Variants in ANAPC10 observed in about 807,000 individuals in gnomAD.
The protein encoded by ANAPC10 is anaphase promoting complex subunit 10.
ANAPC10 carries 12 observed loss-of-function variants against 22.0 expected under a neutral mutation model. The observed-to-expected ratio is 0.55, with a 90% CI of 0.35 to 0.88. ANAPC10 has a LOEUF of 0.88. Ranked by LOEUF, ANAPC10 falls within the 40% of genes least tolerant of loss-of-function variation. The pLI is 0.01. For missense variants in ANAPC10, 188 were observed against 220.9 expected, an observed-to-expected ratio of 0.85 and a Z score of 0.94; for synonymous variants, 65 against 69.5, an observed-to-expected ratio of 0.94 and a Z score of 0.32.
intron 2 of ANAPC10, among the ~76,000 whole-genome samples, chr4:145,090,567 G>A (rs945282701): frequency 1.3e-5 from 2 of 152,168 alleles, no homozygotes; most frequent in African/African-American, 4.8e-5. Flanking sequence ...AAGCACTATT[G>A]TGTAATGGAG....
At chr4:145,064,869 G>A (rs949978503) in intron 3 of ANAPC10, among the ~76,000 whole-genome samples, 177 bp from the exon 4 acceptor site, 5 of 151,860 alleles carry the variant, frequency 3.3e-5, no homozygotes, top group African/African-American at 1.2e-4. Context: ...CAGATAGTAT[G>A]TTAAATATAG....
chr4:145,044,793 C>T (rs1240917809), intron 4 of ANAPC10, among the ~76,000 whole-genome samples: 1 of 151,954 alleles, frequency 6.6e-6, no homozygotes, highest in Non-Finnish European at 1.5e-5. Flanking sequence ...CTTAGTGACA[C>T]ACTATAGTTA....
At chr4:145,012,830 G>A (rs912262956) in intron 4 of ANAPC10, among the ~76,000 whole-genome samples, 6 of 152,118 alleles carry the variant, frequency 3.9e-5, no homozygotes, top group African/African-American at 1.4e-4. Flanking sequence ...TTGGGTCTGT[G>A]TCCCTGCCCA....
chr4:145,053,771 A>G, intron 4 of ANAPC10: 2 of 664,138 alleles, frequency 3.0e-6, no homozygotes, highest in Admixed American at 4.6e-5. Context: ...TTCACATGTA[A>G]AACATGAGGC....
intron 4 of ANAPC10, among the ~76,000 whole-genome samples, chr4:145,052,331 T>C (rs546132550): frequency 6.6e-6 from 1 of 152,284 alleles, no homozygotes; most frequent in Non-Finnish European, 1.5e-5. Flanking sequence ...CAGTCTACAA[T>C]GTATAAAAAT....
chr4:145,043,292 T>A (rs1020164304), intron 4 of ANAPC10, among the ~76,000 whole-genome samples: 2 of 152,140 alleles, frequency 1.3e-5, no homozygotes, highest in African/African-American at 4.8e-5. Flanking sequence ...CAATTCTAAT[T>A]ATAGATAAAA....
At chr4:144,997,634 T>C (rs1047756736) in intron 4 of ANAPC10, among the ~76,000 whole-genome samples, 2 of 152,068 alleles carry the variant, frequency 1.3e-5, no homozygotes, top group African/African-American at 4.8e-5. Flanking sequence ...ACAGGCCAAA[T>C]TGTAAAGACC....
intron 4 of ANAPC10, among the ~76,000 whole-genome samples, chr4:145,063,508 A>C (rs1329162607): frequency 6.6e-6 from 1 of 152,128 alleles, no homozygotes; most frequent in South Asian, 2.1e-4. Context: ...ATAAACACTA[A>C]GTCAAATAAG....
intron 4 of ANAPC10, among the ~76,000 whole-genome samples, chr4:144,996,007 A>AC (rs767649103): frequency 4.6e-5 from 7 of 152,192 alleles, no homozygotes; most frequent in Non-Finnish European, 8.8e-5. Context: ...CTAAGTAGAT[A>AC]CTCATATTTT....
Position 145,096,071 on chromosome 4 carries a change from C to T in ANAPC10, c.29G>A (p.Gly10Asp). The part of the protein sequence containing the change: MTTPNKTPP[G>D]ADPKQLERTG... Reference sequence around the variant, plus strand: ...CCTTTCCAACTGCTTGGGGTCAGCACCAGGAGGTGTCTTGTTTGGTGTAGT... The same window carrying T: ...CCTTTCCAACTGCTTGGGGTCAGCATCAGGAGGTGTCTTGTTTGGTGTAGT... The change falls in exon 2 of 5, where the codon GGT (glycine) becomes GAT (aspartate). Residue 10 changes from glycine to aspartate, a missense_variant. Physicochemically the swap from Gly to Asp is moderately conservative, Grantham distance 94. Coordinates refer to ENST00000507656, the MANE Select transcript of ANAPC10 (RefSeq NM_001256706.2). 1.2e-6 allele frequency: 2 copies of T among 1,614,072 alleles called. No individual in the cohort carries two copies. The highest frequency in any genetic ancestry group is 1.7e-6 in the Non-Finnish European group (2 of 1,179,998).
intron 4 of ANAPC10, among the ~76,000 whole-genome samples, chr4:145,031,603 G>A (rs906498231): frequency 6.6e-6 from 1 of 152,166 alleles, no homozygotes; most frequent in Non-Finnish European, 1.5e-5. Context: ...ACAGGAGAAG[G>A]CTCTGCAACA....
intron 4 of ANAPC10, among the ~76,000 whole-genome samples, chr4:145,058,331 T>TTC (rs1742366629): frequency 6.6e-6 from 1 of 152,184 alleles, no homozygotes; most frequent in Admixed American, 6.5e-5. Context: ...TGCACCTGAA[T>TTC]AGGCTTTGTA....
chr4:145,017,358 C>T (rs1352188727), intron 4 of ANAPC10, among the ~76,000 whole-genome samples: 1 of 152,122 alleles, frequency 6.6e-6, no homozygotes, highest in African/African-American at 2.4e-5. Flanking sequence ...AGTCAACAGA[C>T]ACATGAAAAA....
chr4:145,010,142 A>G (rs1245304439), intron 4 of ANAPC10, among the ~76,000 whole-genome samples: 1 of 152,138 alleles, frequency 6.6e-6, no homozygotes, highest in Non-Finnish European at 1.5e-5. Context: ...CACACCAGTT[A>G]GAATGGCGAT....
chr4:145,013,750 A>T (rs947309152), intron 4 of ANAPC10, among the ~76,000 whole-genome samples: 1 of 152,128 alleles, frequency 6.6e-6, no homozygotes, highest in Non-Finnish European at 1.5e-5. Context: ...AGACAGCCCA[A>T]ATACTGAGTA....
intron 4 of ANAPC10, among the ~76,000 whole-genome samples, chr4:144,998,290 A>G (rs1453968286): frequency 6.6e-6 from 1 of 152,216 alleles, no homozygotes; most frequent in East Asian, 1.9e-4. Flanking sequence ...ACTTATCAGC[A>G]CCACATTGCA....
At chr4:144,996,086 A>G (rs1460223588) in intron 4 of ANAPC10, among the ~76,000 whole-genome samples, 1 of 152,212 alleles carries the variant, frequency 6.6e-6, no homozygotes, top group Admixed American at 6.5e-5. Context: ...GAAGTAATTA[A>G]CGACAGGGTT....
chr4:145,073,473 G>A lies in ANAPC10; in HGVS notation c.206+8187C>T, dbSNP rs529756218. Among the ~76,000 whole-genome samples, 8 of 152,238 alleles carry A rather than the reference G, an allele frequency of 5.3e-5. No homozygotes were observed. In the South Asian group the frequency reaches 1.5e-3, roughly 28 times the overall value. ...AAATTTATGAACAGTGTAATTTGGG[G>A]AGGAGGGTAAATAAACTAATTTGTA... On this transcript the variant is annotated intron_variant, in intron 3 of 4. Transcript: ENST00000507656.
At chr4:145,063,239 T>C (rs1338176087) in intron 4 of ANAPC10, among the ~76,000 whole-genome samples, 3 of 152,184 alleles carry the variant, frequency 2.0e-5, no homozygotes, top group Admixed American at 6.5e-5. Context: ...ACAAAGTATA[T>C]ATATTTCAAA....
Sources: gnomAD v4.1 joint callset for allele counts (sites outside exome capture counted in the v4.1 genomes callset) on GRCh38, gnomAD v4.1.1 for gene constraint, MANE v1.5 for transcripts, NCBI Gene and HGNC (gene_info 2026-07-23, HGNC 2026-07-21) for gene names.